The following GATA3 variants were observed in gnomAD, a reference collection of about 807,000 sequenced individuals.
GATA3 encodes the protein trans-acting T-cell-specific transcription factor GATA-3.
A neutral mutation model predicts 36.0 loss-of-function variants in GATA3; 6 were observed. That is an observed-to-expected ratio of 0.17 (90% CI 0.09 to 0.33). GATA3 has a LOEUF of 0.33. GATA3 is among the 10% of genes least tolerant of loss of function. The pLI, the probability that GATA3 is intolerant of heterozygous loss-of-function variation, is 1.00. For synonymous variants in GATA3, 326 were observed against 273.0 expected (o/e 1.19, Z -1.92); for missense variants, 514 against 610.1 (o/e 0.84, Z 1.66).
intron 5 of GATA3, among the ~76,000 whole-genome samples, chr10:8,070,371 A>T (rs200989437): frequency 5.4e-5 from 8 of 149,068 alleles, no homozygotes; most frequent in East Asian, 2.0e-4. Context: ...ATCTTAAAAA[A>T]TTTTTTTTTC....
rs1234555332 is a variant in GATA3, at chr10:8,074,157, G to A, written c.*134G>A. 1.9e-6 allele frequency: 2 copies of A among 1,027,974 alleles called. No individual in the cohort carries two copies. The highest frequency in any genetic ancestry group is 1.6e-5 in the African/African-American group (1 of 62,040). The allele number at this position is 1,027,974 out of a possible 1,614,324, so 63.7% of individuals were successfully genotyped here. A position where few individuals can be genotyped will look rare whatever the true frequency, so the allele number is the denominator to read the frequency against. On this transcript the variant is annotated 3_prime_UTR_variant, in exon 6 of 6. Coordinates refer to ENST00000379328, the MANE Select transcript of GATA3 (RefSeq NM_001002295.2). The stretch of plus-strand genomic sequence containing the variant: ...TTTTGAAGGCAGAAAGCAAAATTAT[G>A]TTTGCCACTTTGCAAAGGAGCTCAC...
rs1411672356 is a variant in GATA3 at position 8,074,205 on chromosome 10, C to CATCTG, written c.*182_*183insATCTG. Reference sequence around the variant, plus strand: ...CACTGTGGTGTCTGTGTTCCAACCACTGAATCTGGACCCCATCTGTGAATA... The same window carrying CATCTG: ...CACTGTGGTGTCTGTGTTCCAACCACATCTGTGAATCTGGACCCCATCTGTGAATA... On this transcript the variant is annotated 3_prime_UTR_variant, in exon 6 of 6. Transcript: ENST00000379328. 10 of 656,882 alleles carry CATCTG rather than the reference C, an allele frequency of 1.5e-5. No homozygotes were observed. The highest frequency in any genetic ancestry group is 2.3e-5 in the Non-Finnish European group (9 of 389,482). 40.7% of individuals were successfully genotyped at this position (656,882 alleles called of 1,614,324 possible).
chr10:8,070,299 A>C (rs1277662943), intron 5 of GATA3, among the ~76,000 whole-genome samples: 1 of 152,006 alleles, frequency 6.6e-6, no homozygotes, highest in Non-Finnish European at 1.5e-5. Flanking sequence ...CAGTCACCTG[A>C]ATTTAGTTGT....
chr10:8,050,759 G>T (rs1832464501), upstream of GATA3: 1 of 298,210 alleles, frequency 3.4e-6, no homozygotes, highest in Non-Finnish European at 7.0e-6. Context: ...GAAATCCGAC[G>T]ATTTCGCGCG....
chr10:8,058,578 C>T lies in GATA3; in HGVS notation c.515C>T (p.Ser172Leu), dbSNP rs1277364315. Reference sequence around the variant, plus strand: ...GACCCATCGCTGTCCACCCCAGGCTCGGCCGGCTCGGCCCGGCAGGACGAG... The same window carrying T: ...GACCCATCGCTGTCCACCCCAGGCTTGGCCGGCTCGGCCCGGCAGGACGAG... ...SPDPSLSTPGSAGSARQDEKE... is the reference protein window; with the variant it reads ...SPDPSLSTPGLAGSARQDEKE... The change falls in exon 3 of 6, where the codon TCG (serine) becomes TTG (leucine). Residue 172 changes from serine (S) to leucine (L), a missense_variant. Ser to Leu is a moderately radical substitution (Grantham distance 145). This residue lies in a region of GATA3 where 381 missense variants were observed against 354.3 expected (regional missense o/e 1.08). Transcript: ENST00000379328. 3.1e-6 allele frequency: 5 copies of T among 1,612,252 alleles called. No homozygotes were observed. The highest frequency in any genetic ancestry group is 2.7e-5 in the African/African-American group (2 of 74,908).
rs548897666 is a variant in GATA3, at chr10:8,074,395, G to A, written c.*372G>A. 8 of 267,544 alleles carry A rather than the reference G, an allele frequency of 3.0e-5. No individual in the cohort carries two copies. In the South Asian group the frequency reaches 1.3e-3, roughly 43 times the overall value. 16.6% of individuals were successfully genotyped at this position (267,544 alleles called of 1,614,324 possible). ...GGATGCCAAGAAGTTTAAGGAATAT[G>A]GGAGAAATAGTGTGGAAATTAAGAA... is the stretch of plus-strand genomic sequence containing the variant. On this transcript the variant is annotated 3_prime_UTR_variant, in exon 6 of 6. Transcript: ENST00000379328.
intron 3 of GATA3, among the ~76,000 whole-genome samples, chr10:8,060,474 C>A (rs571930112): frequency 6.6e-6 from 1 of 151,702 alleles, no homozygotes; most frequent in East Asian, 1.9e-4. Context: ...GGCTGGGGAG[C>A]TGAATCGAAA....
At position 8,055,954 on chromosome 10, in the gene GATA3, G is replaced by T; in HGVS notation, c.241+58G>T. ...GGCCGCTTCAGCCGTCCCGGCTCGG[G>T]GAGGTCGGGAGGGACCTGAGGGCGG... On this transcript the variant is annotated intron_variant, in intron 2 of 5. Transcript: ENST00000379328. The surrounding 1 kb of genome is among the most constrained non-coding windows in gnomAD (Gnocchi z 5.4). 3 of 1,547,176 alleles carry T rather than the reference G, an allele frequency of 1.9e-6. No individual in the cohort carries two copies. The highest frequency in any genetic ancestry group is 2.6e-6 in the Non-Finnish European group (3 of 1,144,500).
In GATA3 at chr10:8,055,097, G is replaced by A. The variant is rs11567884; in HGVS notation, c.-369-190G>A. Among the ~76,000 whole-genome samples, 199 of 152,098 alleles carry A rather than the reference G, an allele frequency of 1.3e-3. 1 individual carries two copies. The highest frequency in any genetic ancestry group is 4.7e-3 in the African/African-American group (196 of 41,528). On this transcript the variant is annotated intron_variant, in intron 1 of 5. Coordinates refer to ENST00000379328, the MANE Select transcript of GATA3 (RefSeq NM_001002295.2). This position sits in a 1 kb window ranked among gnomAD's most constrained non-coding sequence, Gnocchi z 5.4. ...AGCCCTGGGACTTGCCCTCCAAGTT[G>A]CTCAGCCAGCCCCGGCTCCCGCGAG...
intron 1 of GATA3, among the ~76,000 whole-genome samples, chr10:8,046,499 T>G (rs1230943183): frequency 6.6e-6 from 1 of 152,112 alleles, no homozygotes; most frequent in African/African-American, 2.4e-5. Context: ...GGATCCATGT[T>G]GAAGTAGCAT....
rs561866523 is a variant in GATA3 at position 8,058,546 on chromosome 10, C to G, written c.483C>G (p.Val161=). The G allele has an allele frequency of 6.2e-5, 100 of 1,612,408 alleles. 1 individual carries two copies. In the South Asian group the frequency reaches 9.7e-4, roughly 16 times the overall value. ...FTFPPTPPKD[V]SPDPSLSTPG... is the part of the protein sequence containing the mutation. ...TCCCGCCCACCCCGCCGAAGGACGT[C>G]TCCCCGGACCCATCGCTGTCCACCC... The change falls in exon 3 of 6, where the codon GTC becomes GTG. Residue 161 remains valine, a synonymous_variant. Transcript: ENST00000379328.
Position 8,055,815 on chromosome 10 carries a change from G to A in GATA3, c.160G>A (p.Asp54Asn). 2 of 1,592,180 alleles carry A rather than the reference G, an allele frequency of 1.3e-6. No homozygotes were observed. The highest frequency in any genetic ancestry group is 1.7e-6 in the Non-Finnish European group (2 of 1,169,342). ...PEEVDVLFNI[D>N]GQGNHVPPYY... ...GGAGGTGGATGTGCTTTTTAACATC[G>A]ACGGTCAAGGCAACCACGTCCCGCC... Residue 54 changes from aspartate to asparagine, a missense_variant, in exon 2 of 6, where the codon GAC becomes AAC. Physicochemically the swap from Asp to Asn is conservative, Grantham distance 23. Transcript: ENST00000379328. This position sits in a 1 kb window ranked among gnomAD's most constrained non-coding sequence, Gnocchi z 5.4.
upstream of GATA3, chr10:8,052,343 C>G (rs750946676): frequency 2.0e-5 from 3 of 152,276 alleles, no homozygotes; most frequent in Non-Finnish European, 1.5e-5. Context: ...CGAATAATCC[C>G]TACTTCCCCA....
At chr10:8,052,819 G>C (rs111711126), upstream of GATA3, 2 of 142,282 alleles carry the variant, frequency 1.4e-5, no homozygotes, top group African/African-American at 5.3e-5. Flanking sequence ...CGAGTGGTCA[G>C]AGAATGAAAG....
chr10:8,053,583 G>T (rs975240890), upstream of GATA3: 2 of 144,348 alleles, frequency 1.4e-5, no homozygotes, highest in Non-Finnish European at 3.0e-5. This position sits in a 1 kb window ranked among gnomAD's most constrained non-coding sequence, Gnocchi z 5.1. Flanking sequence ...CCCCGCCCCC[G>T]CTCGCCCCGC....
chr10:8,065,962 TAAAAA>T (rs66810069), intron 4 of GATA3, among the ~76,000 whole-genome samples: 12 of 91,082 alleles, frequency 1.3e-4, no homozygotes, highest in Non-Finnish European at 1.5e-4. Context: ...CTGGCCTTAG[TAAAAA>T]AAAAAAAAAA....
At chr10:8,050,130 C>T (rs1033504839), upstream of GATA3, among the ~76,000 whole-genome samples, 1 of 152,240 alleles carries the variant, frequency 6.6e-6, no homozygotes, top group Non-Finnish European at 1.5e-5. Context: ...GCCGGCGCCT[C>T]CCCAAGCGGA....
upstream of GATA3, chr10:8,051,143 C>T (rs888332568): frequency 7.7e-6 from 4 of 520,400 alleles, no homozygotes; most frequent in African/African-American, 3.9e-5. Context: ...GGTCTCTTCG[C>T]CCCTGGGAGG....
Position 8,055,572 on chromosome 10 carries a change from C to T in GATA3, c.-84C>T, listed in dbSNP as rs1464274681. The T allele has an allele frequency of 4.7e-6, 7 of 1,480,902 alleles. No individual in the cohort carries two copies. Among genetic ancestry groups the T allele is most frequent in the Non-Finnish European group, 5.4e-6 (6 of 1,108,900 alleles). 91.7% of individuals were successfully genotyped at this position (1,480,902 alleles called of 1,614,324 possible). ...ACCCCCGACCCTCCGACGGCAGGAG[C>T]CCCCCGACCTCCCAGGCGGACCGCC... On this transcript the variant is annotated 5_prime_UTR_variant, in exon 2 of 6. Transcript: ENST00000379328. The surrounding 1 kb of genome is among the most constrained non-coding windows in gnomAD (Gnocchi z 5.4).
Sources: allele counts gnomAD v4.1 joint callset (sites outside exome capture counted in the v4.1 genomes callset), GRCh38; gene constraint gnomAD v4.1.1; regional missense constraint gnomAD v4.1.1; non-coding constraint Gnocchi (gnomAD v3.1); transcripts MANE v1.5; gene names NCBI Gene and HGNC (gene_info 2026-07-23, HGNC 2026-07-21).